Variants in BPNT2 observed in about 807,000 individuals in gnomAD.
BPNT2 encodes the protein Golgi-resident adenosine 3',5'-bisphosphate 3'-phosphatase.
In BPNT2, 11 loss-of-function variants were observed where a neutral mutation model predicts 29.3. The ratio of observed to expected loss-of-function variants is 0.38; its 90% CI spans 0.24 to 0.62. The LOEUF (loss-of-function observed/expected upper bound fraction) is 0.62, where lower values mean the gene tolerates loss of function less well. Ranked by LOEUF, BPNT2 falls within the 20% of genes least tolerant of loss-of-function variation. BPNT2 has a pLI of 0.62. For missense variants in BPNT2, 459 were observed against 473.4 expected (o/e 0.97, Z 0.28); for synonymous variants, 195 against 187.7 (o/e 1.04, Z -0.32).
intron 1 of BPNT2, among the ~76,000 whole-genome samples, chr8:56,992,312 C>T (rs1205060533): frequency 6.6e-6 from 1 of 152,196 alleles, no homozygotes; most frequent in South Asian, 2.1e-4. Flanking sequence ...TTAAGATATA[C>T]GTTAATAAGG....
chr8:56,972,092 A>G (rs890795689), intron 3 of BPNT2, among the ~76,000 whole-genome samples: 4 of 152,082 alleles, frequency 2.6e-5, no homozygotes, highest in Non-Finnish European at 5.9e-5. Context: ...TCTCAAAAAA[A>G]AGAAAAAAAA....
Position 56,993,326 on chromosome 8 carries a change from C to T in BPNT2, c.260G>A (p.Ser87Asn). 3 of 1,611,732 alleles carry T rather than the reference C, an allele frequency of 1.9e-6. No individual in the cohort carries two copies. The highest frequency in any genetic ancestry group is 2.5e-6 in the Non-Finnish European group (3 of 1,179,914). Residue 87 changes from serine (S) to asparagine (N), a missense_variant, in exon 1 of 5, where the codon AGC becomes AAC. Ser to Asn is a conservative substitution (Grantham distance 46). Transcript: ENST00000262644. ...CTTGGACTTCTCGTGGAGGACGTTG[C>T]TCTCGCGGACGCGCCTCACCTCGTC... ...GGDEVRRVRE[S>N]NVLHEKSKGK...
At chr8:56,990,911 A>C (rs535308194) in intron 1 of BPNT2, among the ~76,000 whole-genome samples, 1 of 152,322 alleles carries the variant, frequency 6.6e-6, no homozygotes, top group African/African-American at 2.4e-5. Context: ...TACATAGGGC[A>C]CTAGGATAAA....
chr8:56,977,632 G>A (rs1309022281), intron 3 of BPNT2, among the ~76,000 whole-genome samples: 2 of 152,028 alleles, frequency 1.3e-5, no homozygotes, highest in African/African-American at 2.4e-5. Context: ...GATGTACTAC[G>A]TTGAGATGAG....
At chr8:56,991,797 C>T (rs1306858879) in intron 1 of BPNT2, among the ~76,000 whole-genome samples, 2 of 152,006 alleles carry the variant, frequency 1.3e-5, no homozygotes, top group African/African-American at 2.4e-5. Flanking sequence ...CCTGTTTCCT[C>T]TATAAATTCT....
Position 56,963,838 on chromosome 8 carries a change from G to C in BPNT2, c.1035C>G (p.Ala345=), listed in dbSNP as rs906499247. 2.5e-6 allele frequency: 4 copies of C among 1,614,042 alleles called. No individual in the cohort carries two copies. In the African/African-American group the frequency reaches 4.0e-5, roughly 16 times the overall value. ...LLASIRMNHQ[A]LVRKLPDLEK... is the part of the protein sequence containing the mutation. Reference sequence around the variant, plus strand: ...CTAGATCTGGGAGTTTTCTGACCAGGGCCTGGTGGTTCATTCTGATGCTAG... The same window carrying C: ...CTAGATCTGGGAGTTTTCTGACCAGCGCCTGGTGGTTCATTCTGATGCTAG... Residue 345 remains alanine, a synonymous_variant, in exon 5 of 5, where the codon GCC becomes GCG. Transcript: ENST00000262644.
At chr8:56,985,462 G>A (rs1806312855) in intron 1 of BPNT2, among the ~76,000 whole-genome samples, 1 of 151,974 alleles carries the variant, frequency 6.6e-6, no homozygotes, top group Non-Finnish European at 1.5e-5. Context: ...GCCAATCCCT[G>A]CCCCCTCCCG....
At chr8:56,967,225 A>G (rs373423099) in intron 3 of BPNT2, 1 of 456,318 alleles carries the variant, frequency 2.2e-6, no homozygotes, top group Admixed American at 2.3e-5. Flanking sequence ...CTGGCTGCAG[A>G]GAAAAAAATC....
chr8:56,982,958 T>C (rs113397654), intron 1 of BPNT2, among the ~76,000 whole-genome samples: 399 of 152,348 alleles, frequency 2.6e-3, no homozygotes, highest in African/African-American at 9.5e-3. Flanking sequence ...TGAACCCCCT[T>C]GCTTTGTGAA....
At position 56,963,800 on chromosome 8, in the gene BPNT2, T is replaced by C. The variant is rs546293123; in HGVS notation, c.1073A>G (p.His358Arg). ...RKLPDLEKTG[H>R]K ...CCCTGTAATCAGTTATGCTCATTTATGTCCTGTCTTTTCTAGATCTGGGAG... is the reference window on the plus strand; with the variant it reads ...CCCTGTAATCAGTTATGCTCATTTACGTCCTGTCTTTTCTAGATCTGGGAG... Residue 358 changes from histidine (H) to arginine (R), a missense_variant, in exon 5 of 5, where the codon CAT (histidine) becomes CGT (arginine). Physicochemically the swap from His to Arg is conservative, Grantham distance 29. Transcript: ENST00000262644. The C allele has an allele frequency of 1.2e-6, 2 of 1,614,206 alleles. No homozygotes were observed. The highest frequency in any genetic ancestry group is 2.7e-5 in the African/African-American group (2 of 75,056).
At chr8:56,977,958 G>A (rs926442282) in intron 3 of BPNT2, 92 bp downstream of exon 3, 1 of 844,230 alleles carries the variant, frequency 1.2e-6, no homozygotes, top group Admixed American at 1.7e-5. Flanking sequence ...AACTAATATA[G>A]GAGTGGATAC....
intron 1 of BPNT2, among the ~76,000 whole-genome samples, chr8:56,989,515 A>T (rs986960092): frequency 6.6e-6 from 1 of 152,206 alleles, no homozygotes; most frequent in African/African-American, 2.4e-5. Context: ...GTCATTAAGA[A>T]GTTTAATTCA....
rs1478665338 is a variant in BPNT2, at chr8:56,993,416, T to TCGGCCG, written c.164_169dup (p.Ala55_Ala56dup). On this transcript the variant is annotated inframe_insertion, in exon 1 of 5. Coordinates refer to ENST00000262644, the MANE Select transcript of BPNT2 (RefSeq NM_017813.5). Reference sequence around the variant, plus strand: ...CTCGCGCAAGTCCACGGTGCCCCCATCGGCCGCGGCCGCGGGCCCCGCCGC... The same window carrying TCGGCCG: ...CTCGCGCAAGTCCACGGTGCCCCCATCGGCCGCGGCCGCGGCCGCGGGCCCCGCCGC... The TCGGCCG allele has an allele frequency of 1.4e-5, 21 of 1,551,106 alleles. No homozygotes were observed. The highest frequency in any genetic ancestry group is 3.9e-5 in the Admixed American group (2 of 51,162).
At chr8:56,993,070 T>C in intron 1 of BPNT2, 129 bp downstream of exon 1, 1 of 1,519,312 alleles carries the variant, frequency 6.6e-7, no homozygotes, top group South Asian at 1.2e-5. Flanking sequence ...CTTGTGCACG[T>C]TAACTTCTGC....
At position 56,993,859 on chromosome 8, in the gene BPNT2, C is replaced by G. The variant is rs534138309; in HGVS notation, c.-274G>C. The G allele has an allele frequency of 1.6e-3, 317 of 201,150 alleles. 1 individual carries two copies. The highest frequency in any genetic ancestry group is 2.4e-3 in the Non-Finnish European group (272 of 112,336). The allele number at this position is 201,150 out of a possible 1,614,324, so 12.5% of individuals were successfully genotyped here. ...GTCCGACTTCCACGTTAGCCTACGG[C>G]CGCGAGGTGAAAGGGGAGCGTGGGT... On this transcript the variant is annotated 5_prime_UTR_variant, in exon 1 of 5. Coordinates refer to ENST00000262644, the MANE Select transcript of BPNT2 (RefSeq NM_017813.5).
chr8:56,959,496 A>G lies in BPNT2; in HGVS notation c.*4297T>C, dbSNP rs1330519495. On this transcript the variant is annotated 3_prime_UTR_variant, in exon 5 of 5. Coordinates refer to ENST00000262644, the MANE Select transcript of BPNT2 (RefSeq NM_017813.5). ...TGTTCTGGTTTGTAATGTCATACAC[A>G]GTATTTTTTAACATTAATAAATTAT... The G allele has an allele frequency of 6.6e-6, 1 of 152,218 alleles. No individual in the cohort carries two copies. The highest frequency in any genetic ancestry group is 1.5e-5 in the Non-Finnish European group (1 of 68,032). 9.4% of individuals were successfully genotyped at this position (152,218 alleles called of 1,614,324 possible). A position where few individuals can be genotyped will look rare whatever the true frequency, so the allele number is the denominator to read the frequency against.
chr8:56,965,084 C>T (rs937255593), intron 4 of BPNT2, among the ~76,000 whole-genome samples: 2 of 152,186 alleles, frequency 1.3e-5, no homozygotes, highest in African/African-American at 2.4e-5. Context: ...CTTTGGGAGG[C>T]CACAGCAAGC....
chr8:56,983,169 T>C (rs983035026), intron 1 of BPNT2, among the ~76,000 whole-genome samples: 3 of 152,208 alleles, frequency 2.0e-5, no homozygotes, highest in African/African-American at 7.2e-5. Context: ...TTGTACAATT[T>C]GGCAGTTCTA....
chr8:56,965,260 G>A lies in BPNT2; in HGVS notation c.808+931C>T, dbSNP rs142541152. ...CCTGAGCCCAGGAGGCGGAGGTTGC[G>A]ATGAGCCTAGATCACACCACTGCAC... On this transcript the variant is annotated intron_variant, in intron 4 of 4. Transcript: ENST00000262644. 2.5e-4 allele frequency among the ~76,000 whole-genome samples: 38 copies of A among 152,186 alleles called. No individual in the cohort carries two copies. In the East Asian group the frequency reaches 3.3e-3, roughly 13 times the overall value.
Sources: allele counts gnomAD v4.1 joint callset (sites outside exome capture counted in the v4.1 genomes callset), GRCh38; gene constraint gnomAD v4.1.1; transcripts MANE v1.5; gene names NCBI Gene and HGNC (gene_info 2026-07-23, HGNC 2026-07-21).